OR2T33: variants seen among roughly 807,000 people sequenced by gnomAD.
OR2T33 encodes olfactory receptor 2T33.
OR2T33 carries 10 observed loss-of-function variants against 14.0 expected under a neutral mutation model. The observed-to-expected ratio is 0.72, with a 90% CI of 0.44 to 1.22. OR2T33 has a LOEUF of 1.22. Among genes scored for constraint, OR2T33 ranks in the 50% most tolerant of loss-of-function variants. OR2T33 has a pLI of 0.00. For synonymous variants in OR2T33, 103 were observed against 159.4 expected, an observed-to-expected ratio of 0.65 and a Z score of 2.66; for missense variants, 276 against 405.9, an observed-to-expected ratio of 0.68 and a Z score of 2.75.
chr1:248,276,052 G>A (rs1659443289), intron 1 of OR2T33, among the ~76,000 whole-genome samples: 1 of 152,178 alleles, frequency 6.6e-6, no homozygotes, highest in Non-Finnish European at 1.5e-5. Flanking sequence ...AGAGGGGATG[G>A]TTTCGGGATG....
At position 248,271,207 on chromosome 1, in the gene OR2T33, G is replaced by A. The variant is rs1441966410; in HGVS notation, c.*1645C>T. ...ATTTTATCCTTACAAAATTTTATAG[G>A]CTTAGTTTACCATTTTTAGCTCAAC... On this transcript the variant is annotated 3_prime_UTR_variant, in exon 2 of 2. Coordinates refer to ENST00000641220, the MANE Select transcript of OR2T33 (RefSeq NM_001004695.2). 2.3e-4 allele frequency: 35 copies of A among 152,148 alleles called. No homozygotes were observed. The East Asian group carries it at 6.6e-3, about 29-fold the overall frequency. The allele number at this position is 152,148 out of a possible 1,614,324, so 9.4% of individuals were successfully genotyped here.
rs1013617210 is a variant in OR2T33 at position 248,270,636 on chromosome 1, C to T, written c.*2216G>A. On this transcript the variant is annotated 3_prime_UTR_variant, in exon 2 of 2. Coordinates refer to ENST00000641220, the MANE Select transcript of OR2T33 (RefSeq NM_001004695.2). ...TAGTGATGATGGTCGTACAACATTG[C>T]GAATGTAGTAAATGCCACTGAGTTG... 5 of 151,892 alleles carry T rather than the reference C, an allele frequency of 3.3e-5. No homozygotes were observed. Among genetic ancestry groups the T allele is most frequent in the Admixed American group, 1.3e-4 (2 of 15,246 alleles). 9.4% of individuals were successfully genotyped at this position (151,892 alleles called of 1,614,324 possible).
In OR2T33 at chr1:248,273,330, A is replaced by C; in HGVS notation, c.485T>G (p.Leu162Arg). 1 of 1,611,842 alleles carries C rather than the reference A, an allele frequency of 6.2e-7. No homozygotes were observed. Among genetic ancestry groups the C allele is most frequent in the East Asian group, 2.2e-5 (1 of 44,874 alleles). ...GTGTGCACCACAATATGGGAAGCTC[A>C]GGGTAACAACAGCCTGCAGGAGCCC... ...ADGLLQAVVT[L>R]SFPYCGAHEI... Residue 162 changes from leucine to arginine, a missense_variant, in exon 2 of 2, where the codon CTG becomes CGG. Transcript: ENST00000641220.
Position 248,277,869 on chromosome 1 carries a change from T to G in OR2T33, c.-113A>C, listed in dbSNP as rs1320329745. Reference sequence around the variant, plus strand: ...TTAATCTTAGTGTTGTGGATACTGCTTTGTGCCTCTGGTCTCATGCTCTAT... The same window carrying G: ...TTAATCTTAGTGTTGTGGATACTGCGTTGTGCCTCTGGTCTCATGCTCTAT... On this transcript the variant is annotated 5_prime_UTR_variant, in exon 1 of 2. Coordinates refer to ENST00000641220, the MANE Select transcript of OR2T33 (RefSeq NM_001004695.2). 6.6e-6 allele frequency: 1 copy of G among 152,154 alleles called. No homozygotes were observed. The highest frequency in any genetic ancestry group is 1.5e-5 in the Non-Finnish European group (1 of 68,010). 9.4% of individuals were successfully genotyped at this position (152,154 alleles called of 1,614,324 possible).
At position 248,272,913 on chromosome 1, in the gene OR2T33, C is replaced by A. The variant is rs778710122; in HGVS notation, c.902G>T (p.Arg301Leu). The A allele has an allele frequency of 7.4e-6, 12 of 1,614,020 alleles. No homozygotes were observed. The highest frequency in any genetic ancestry group is 5.5e-5 in the South Asian group (5 of 91,082). The change falls in exon 2 of 2, where the codon CGG (arginine) becomes CTG (leucine). Residue 301 changes from arginine (R) to leucine (L), a missense_variant. Coordinates refer to ENST00000641220, the MANE Select transcript of OR2T33 (RefSeq NM_001004695.2). ...TATGTTTACACACGTCCCCAGCCAC[C>A]GTTTCAGGGCTCCCTTCACCTCACT... ...KNSEVKGALK[R>L]WLGTCVNIKH...
rs775387346 is a variant in OR2T33 at position 248,273,163 on chromosome 1, G to C, written c.652C>G (p.Leu218Val). The C allele has an allele frequency of 8.1e-6, 13 of 1,610,004 alleles. No individual in the cohort carries two copies. The highest frequency in any genetic ancestry group is 1.0e-5 in the Non-Finnish European group (12 of 1,178,654). Residue 218 changes from leucine to valine, a missense_variant, in exon 2 of 2, where the codon CTC (leucine) becomes GTC (valine). Leu to Val is a conservative substitution (Grantham distance 32, BLOSUM62 1). Coordinates refer to ENST00000641220, the MANE Select transcript of OR2T33 (RefSeq NM_001004695.2). ...PFSLILSSYG[L>V]ILAAVLHMRS... is the part of the protein sequence containing the mutation. ...ATGTGCAGAACAGCAGCGAGGATGA[G>C]ACCATAGGAGGACAGGATGAGGGAA...
chr1:248,271,625 A>C lies in OR2T33; in HGVS notation c.*1227T>G, dbSNP rs1450455838. 6.6e-6 allele frequency: 1 copy of C among 152,196 alleles called. No homozygotes were observed. The highest frequency in any genetic ancestry group is 6.5e-5 in the Admixed American group (1 of 15,276). The allele number at this position is 152,196 out of a possible 1,614,324, so 9.4% of individuals were successfully genotyped here. A position where few individuals can be genotyped will look rare whatever the true frequency, so the allele number is the denominator to read the frequency against. Reference sequence around the variant, plus strand: ...AGAAAACTCCTTTCATTTGTTCTAAAACAAGTCCCTTTTGAAATTCAGGAT... The same window carrying C: ...AGAAAACTCCTTTCATTTGTTCTAACACAAGTCCCTTTTGAAATTCAGGAT... On this transcript the variant is annotated 3_prime_UTR_variant, in exon 2 of 2. Transcript: ENST00000641220.
In OR2T33 at chr1:248,272,667, T is replaced by G. The variant is rs1659386848; in HGVS notation, c.*185A>C. ...AGTAATCCATAGATACTACTTCACTTGAAGAAAAGTACATAAATGCTAAAA... is the reference window on the plus strand; with the variant it reads ...AGTAATCCATAGATACTACTTCACTGGAAGAAAAGTACATAAATGCTAAAA... On this transcript the variant is annotated 3_prime_UTR_variant, in exon 2 of 2. Transcript: ENST00000641220. 1 of 763,808 alleles carries G rather than the reference T, an allele frequency of 1.3e-6. No homozygotes were observed. The highest frequency in any genetic ancestry group is 2.0e-6 in the Non-Finnish European group (1 of 491,630). 47.3% of individuals were successfully genotyped at this position (763,808 alleles called of 1,614,324 possible). A position where few individuals can be genotyped will look rare whatever the true frequency, so the allele number is the denominator to read the frequency against.
intron 1 of OR2T33, among the ~76,000 whole-genome samples, chr1:248,277,426 A>G (rs1659460072): frequency 6.6e-6 from 1 of 152,130 alleles, no homozygotes; most frequent in Admixed American, 6.6e-5. Context: ...TATGTCCACA[A>G]GCTATTGATA....
chr1:248,272,839 A>G lies in OR2T33; in HGVS notation c.*13T>C. ...TTAATAAATTCAGGAACTTAGACTCATTTGACATTAGATCATCTTGACCTG... is the reference window on the plus strand; with the variant it reads ...TTAATAAATTCAGGAACTTAGACTCGTTTGACATTAGATCATCTTGACCTG... On this transcript the variant is annotated 3_prime_UTR_variant, in exon 2 of 2. Transcript: ENST00000641220. 1 of 1,598,962 alleles carries G rather than the reference A, an allele frequency of 6.3e-7. No homozygotes were observed. The highest frequency in any genetic ancestry group is 8.5e-7 in the Non-Finnish European group (1 of 1,173,228).
rs756262198 is a variant in OR2T33 at position 248,272,909 on chromosome 1, C to A, written c.906G>T (p.Trp302Cys). 6 of 1,613,946 alleles carry A rather than the reference C, an allele frequency of 3.7e-6. No homozygotes were observed. In the South Asian group the frequency reaches 5.5e-5, roughly 15 times the overall value. ...NSEVKGALKR[W>C]LGTCVNIKHQ... ...GTTTTATGTTTACACACGTCCCCAGCCACCGTTTCAGGGCTCCCTTCACCT... is the reference window on the plus strand; with the variant it reads ...GTTTTATGTTTACACACGTCCCCAGACACCGTTTCAGGGCTCCCTTCACCT... Residue 302 changes from tryptophan (W) to cysteine (C), a missense_variant, in exon 2 of 2, where the codon TGG (tryptophan) becomes TGT (cysteine). Trp to Cys is a radical substitution (Grantham distance 215, BLOSUM62 -2). Coordinates refer to ENST00000641220, the MANE Select transcript of OR2T33 (RefSeq NM_001004695.2).
In OR2T33 at chr1:248,271,648, G is replaced by C. The variant is rs903925400; in HGVS notation, c.*1204C>G. 2.0e-5 allele frequency: 3 copies of C among 152,126 alleles called. No individual in the cohort carries two copies. Among genetic ancestry groups the C allele is most frequent in the African/African-American group, 7.2e-5 (3 of 41,438 alleles). The allele number at this position is 152,126 out of a possible 1,614,324, so 9.4% of individuals were successfully genotyped here. A position where few individuals can be genotyped will look rare whatever the true frequency, so the allele number is the denominator to read the frequency against. ...AAAACAAGTCCCTTTTGAAATTCAGGATGGCCAGAAATGGCAGGTTAACTT... is the reference window on the plus strand; with the variant it reads ...AAAACAAGTCCCTTTTGAAATTCAGCATGGCCAGAAATGGCAGGTTAACTT... On this transcript the variant is annotated 3_prime_UTR_variant, in exon 2 of 2. Coordinates refer to ENST00000641220, the MANE Select transcript of OR2T33 (RefSeq NM_001004695.2).
At position 248,272,754 on chromosome 1, in the gene OR2T33, A is replaced by T; in HGVS notation, c.*98T>A. On this transcript the variant is annotated 3_prime_UTR_variant, in exon 2 of 2. Coordinates refer to ENST00000641220, the MANE Select transcript of OR2T33 (RefSeq NM_001004695.2). ...TAAAAATATCCTATTATATCAATGC[A>T]AAAACTTAATTTTCTCTGCATGAAT... 6.8e-7 allele frequency: 1 copy of T among 1,472,744 alleles called. No homozygotes were observed. Among genetic ancestry groups the T allele is most frequent in the Non-Finnish European group, 9.1e-7 (1 of 1,095,718 alleles). 91.2% of individuals were successfully genotyped at this position (1,472,744 alleles called of 1,614,324 possible). A position where few individuals can be genotyped will look rare whatever the true frequency, so the allele number is the denominator to read the frequency against.
chr1:248,273,707 G>A lies in OR2T33; in HGVS notation c.108C>T (p.Ser36=). 1 of 1,613,848 alleles carries A rather than the reference G, an allele frequency of 6.2e-7. No homozygotes were observed. Residue 36 remains serine, a synonymous_variant, in exon 2 of 2, where the codon TCC becomes TCT. Coordinates refer to ENST00000641220, the MANE Select transcript of OR2T33 (RefSeq NM_001004695.2). The part of the protein sequence containing the change: ...FMMVLSIVLT[S]LFGNSLMILL... Reference sequence around the variant, plus strand: ...GAATCATGAGGGAATTGCCAAACAGGGAGGTCAAAACGATACTCAGAACCA... The same window carrying A: ...GAATCATGAGGGAATTGCCAAACAGAGAGGTCAAAACGATACTCAGAACCA...
chr1:248,276,238 C>G (rs1259732464), intron 1 of OR2T33, among the ~76,000 whole-genome samples: 4 of 152,162 alleles, frequency 2.6e-5, no homozygotes, highest in Non-Finnish European at 5.9e-5. Flanking sequence ...CGCTCACCTC[C>G]TATGCAGCCC....
intron 1 of OR2T33, among the ~76,000 whole-genome samples, chr1:248,274,809 G>T (rs1480997026): frequency 1.3e-5 from 2 of 152,090 alleles, no homozygotes; most frequent in African/African-American, 4.8e-5. Flanking sequence ...CACTATTATT[G>T]TAAATACTTA....
At position 248,272,831 on chromosome 1, in the gene OR2T33, T is replaced by C; in HGVS notation, c.*21A>G. ...TTAAAATATTAATAAATTCAGGAAC[T>C]TAGACTCATTTGACATTAGATCATC... On this transcript the variant is annotated 3_prime_UTR_variant, in exon 2 of 2. Transcript: ENST00000641220. The C allele has an allele frequency of 6.3e-7, 1 of 1,589,496 alleles. No homozygotes were observed. Among genetic ancestry groups the C allele is most frequent in the East Asian group, 2.2e-5 (1 of 44,646 alleles).
chr1:248,269,919 C>A lies in OR2T33; in HGVS notation c.*2933G>T, dbSNP rs1266949470. ...ATACGGCTAGCCAGTTTTCCCAGCA[C>A]CTATATACCCAAGGATTATAAATCA... On this transcript the variant is annotated 3_prime_UTR_variant, in exon 2 of 2. Coordinates refer to ENST00000641220, the MANE Select transcript of OR2T33 (RefSeq NM_001004695.2). 1 of 152,068 alleles carries A rather than the reference C, an allele frequency of 6.6e-6. No homozygotes were observed. Among genetic ancestry groups the A allele is most frequent in the African/African-American group, 2.4e-5 (1 of 41,388 alleles). 9.4% of individuals were successfully genotyped at this position (152,068 alleles called of 1,614,324 possible).
rs374091097 is a variant in OR2T33, at chr1:248,273,135, C to G, written c.680G>C (p.Arg227Pro). ...GGCCTTCTTGCGGGCTTCTGTAGAG[C>G]GCATGTGCAGAACAGCAGCGAGGAT... ...GLILAAVLHM[R>P]STEARKKAFA... is the part of the protein sequence containing the mutation. Residue 227 changes from arginine (R) to proline (P), a missense_variant, in exon 2 of 2, where the codon CGC becomes CCC. Coordinates refer to ENST00000641220, the MANE Select transcript of OR2T33 (RefSeq NM_001004695.2). The G allele has an allele frequency of 3.1e-6, 5 of 1,611,232 alleles. No individual in the cohort carries two copies. In the Admixed American group the frequency reaches 6.7e-5, roughly 22 times the overall value.
Sources: gnomAD v4.1 joint callset for allele counts (sites outside exome capture counted in the v4.1 genomes callset) on GRCh38, gnomAD v4.1.1 for gene constraint, MANE v1.5 for transcripts, NCBI Gene and HGNC (gene_info 2026-07-23, HGNC 2026-07-21) for gene names.